Variants in LHX2 observed in about 807,000 individuals in gnomAD.
The protein encoded by LHX2 is LIM/homeobox protein Lhx2.
LHX2 carries 6 observed loss-of-function variants against 33.0 expected under a neutral mutation model. That is an observed-to-expected ratio of 0.18 (90% CI 0.10 to 0.36). The LOEUF (loss-of-function observed/expected upper bound fraction) is 0.36. Ranked by LOEUF, LHX2 falls within the 10% of genes least tolerant of loss-of-function variation. The pLI is 1.00. For missense variants in LHX2, 442 were observed against 586.2 expected (o/e 0.75, Z 2.54); for synonymous variants, 292 against 253.1 (o/e 1.15, Z -1.46).
intron 3 of LHX2, among the ~76,000 whole-genome samples, chr9:124,018,456 C>A (rs568117435): frequency 6.6e-6 from 1 of 152,246 alleles, no homozygotes; most frequent in East Asian, 1.9e-4. Context: ...CGCCCCCTGC[C>A]CTTGCCTCTG....
At chr9:124,021,579 T>C (rs1353046332) in intron 4 of LHX2, among the ~76,000 whole-genome samples, 2 of 152,238 alleles carry the variant, frequency 1.3e-5, no homozygotes, top group Non-Finnish European at 2.9e-5. Context: ...ACTCGGTCTC[T>C]TTTCTTTCTT....
chr9:124,028,437 C>T (rs1439776146), intron 4 of LHX2, among the ~76,000 whole-genome samples: 4 of 152,180 alleles, frequency 2.6e-5, no homozygotes, highest in Non-Finnish European at 5.9e-5. Context: ...GTGGGGCAGA[C>T]TGCACCTTGT....
intron 4 of LHX2, among the ~76,000 whole-genome samples, chr9:124,027,902 GT>G (rs5900598): frequency 0.012 from 1,826 of 151,552 alleles, 32 homozygotes; most frequent in African/African-American, 0.041. Context: ...AGAAGGCATA[GT>G]TTTTTTTTAT....
chr9:124,013,354 G>A (rs899738859), intron 1 of LHX2, among the ~76,000 whole-genome samples: 1 of 152,202 alleles, frequency 6.6e-6, no homozygotes, highest in Non-Finnish European at 1.5e-5. Flanking sequence ...CTTCACCCAC[G>A]GACTTTGAGG....
At chr9:124,018,228 A>G (rs1859227166) in intron 3 of LHX2, among the ~76,000 whole-genome samples, 1 of 150,698 alleles carries the variant, frequency 6.6e-6, no homozygotes, top group Non-Finnish European at 1.5e-5. Context: ...ATTATTCATG[A>G]TTTTACGAGC....
chr9:124,013,830 T>C (rs1859134530), intron 1 of LHX2, 131 bp from the exon 2 acceptor site: 2 of 790,898 alleles, frequency 2.5e-6, no homozygotes, highest in Admixed American at 2.5e-5. Flanking sequence ...GCGCGCCGCA[T>C]GTCCTGGCAG....
intron 4 of LHX2, among the ~76,000 whole-genome samples, chr9:124,027,842 A>G (rs1172396706): frequency 6.6e-6 from 1 of 152,180 alleles, no homozygotes; most frequent in African/African-American, 2.4e-5. Flanking sequence ...CTGGCACTTC[A>G]TGAGGAATAG....
At position 124,014,075 on chromosome 9, in the gene LHX2, A is replaced by G. The variant is rs1859141295; in HGVS notation, c.235A>G (p.Lys79Glu). 4.3e-6 allele frequency: 7 copies of G among 1,613,682 alleles called. No individual in the cohort carries two copies. Among genetic ancestry groups the G allele is most frequent in the Non-Finnish European group, 5.9e-6 (7 of 1,180,002 alleles). ...CAAGCAGTGGCACATGCGCTGCCTC[A>G]AGTGCTGCGAGTGCAAGCTCAACCT... Reference protein sequence around the residue: ...VDKQWHMRCLKCCECKLNLES... With the variant: ...VDKQWHMRCLECCECKLNLES... Residue 79 changes from lysine (K) to glutamate (E), a missense_variant, in exon 2 of 5, where the codon AAG becomes GAG. Transcript: ENST00000373615. The surrounding 1 kb of genome is among the most constrained non-coding windows in gnomAD (Gnocchi z 4.8).
At position 124,032,527 on chromosome 9, in the gene LHX2, G is replaced by T. The variant is rs1222197399; in HGVS notation, c.1041G>T (p.Ser347=). The change falls in exon 5 of 5, where the codon TCG becomes TCT. Residue 347 remains serine, a synonymous_variant. Coordinates refer to ENST00000373615, the MANE Select transcript of LHX2 (RefSeq NM_004789.4). This position sits in a 1 kb window ranked among gnomAD's most constrained non-coding sequence, Gnocchi z 4.1. ...CGGCGCTGCAGACAGGGACGCCATCGGGCCCGGCCTCGGAGCTCTCCAACG... is the reference window on the plus strand; with the variant it reads ...CGGCGCTGCAGACAGGGACGCCATCTGGCCCGGCCTCGGAGCTCTCCAACG... ...TDAALQTGTP[S]GPASELSNAS... The T allele has an allele frequency of 6.2e-7, 1 of 1,613,768 alleles. No homozygotes were observed. The highest frequency in any genetic ancestry group is 8.5e-7 in the Non-Finnish European group (1 of 1,180,006).
chr9:124,025,045 CA>C (rs987618321), intron 4 of LHX2, among the ~76,000 whole-genome samples: 3 of 152,272 alleles, frequency 2.0e-5, no homozygotes. Context: ...AAAAGGTGCT[CA>C]CATTTGCCAT....
chr9:124,031,617 G>C (rs994906475), intron 4 of LHX2: 1 of 152,204 alleles, frequency 6.6e-6, no homozygotes, highest in Admixed American at 6.5e-5. Flanking sequence ...AGAGAGACAA[G>C]TAAAAGTAAA....
At chr9:124,026,544 A>G (rs1588351251) in intron 4 of LHX2, among the ~76,000 whole-genome samples, 1 of 151,960 alleles carries the variant, frequency 6.6e-6, no homozygotes, top group African/African-American at 2.4e-5. Flanking sequence ...GGGATAAACA[A>G]TTGACAAGGT....
At position 124,013,968 on chromosome 9, in the gene LHX2, C is replaced by G. The variant is rs532587351; in HGVS notation, c.128C>G (p.Pro43Arg). Residue 43 changes from proline (P) to arginine (R), a missense_variant, in exon 2 of 5, where the codon CCG becomes CGG. Coordinates refer to ENST00000373615, the MANE Select transcript of LHX2 (RefSeq NM_004789.4). ...IDRGDTETTMPSISSDRAALC... is the reference protein window; with the variant it reads ...IDRGDTETTMRSISSDRAALC... ...GCCTCCCTCCCTTCGCAGACCATGC[C>G]GTCCATCAGCAGTGACCGCGCCGCG... 41 of 1,612,354 alleles carry G rather than the reference C, an allele frequency of 2.5e-5. No homozygotes were observed. Among genetic ancestry groups the G allele is most frequent in the Non-Finnish European group, 3.1e-5 (37 of 1,179,592 alleles).
chr9:124,021,271 G>C lies in LHX2; in HGVS notation c.900G>C (p.Ala300=). 6.2e-7 allele frequency: 1 copy of C among 1,613,946 alleles called. No homozygotes were observed. Among genetic ancestry groups the C allele is most frequent in the Non-Finnish European group, 8.5e-7 (1 of 1,180,040 alleles). The change falls in exon 4 of 5, where the codon GCG becomes GCC. Residue 300 remains alanine (A), a synonymous_variant. Coordinates refer to ENST00000373615, the MANE Select transcript of LHX2 (RefSeq NM_004789.4). ...NPDAKDLKQL[A]QKTGLTKRVL... Reference sequence around the variant, plus strand: ...ACGCCAAGGACTTGAAGCAGCTCGCGCAAAAGACGGGCCTCACCAAGCGGG... The same window carrying C: ...ACGCCAAGGACTTGAAGCAGCTCGCCCAAAAGACGGGCCTCACCAAGCGGG...
At position 124,015,560 on chromosome 9, in the gene LHX2, TTG is replaced by T. The variant is rs1859174611; in HGVS notation, c.727+36_727+37del. On this transcript the variant is annotated intron_variant, in intron 3 of 4. Transcript: ENST00000373615. This position sits in a 1 kb window ranked among gnomAD's most constrained non-coding sequence, Gnocchi z 7.9. ...CGGCGCACGAAGCGCCCCCATAGGG[TTG>T]GGGGAAAGTGTGCGGCCTCGACGGC... 2.8e-6 allele frequency: 4 copies of T among 1,445,938 alleles called. No homozygotes were observed. Among genetic ancestry groups the T allele is most frequent in the Non-Finnish European group, 3.6e-6 (4 of 1,096,906 alleles). The allele number at this position is 1,445,938 out of a possible 1,614,324, so 89.6% of individuals were successfully genotyped here.
At chr9:124,020,360 T>A (rs1859271526) in intron 3 of LHX2, among the ~76,000 whole-genome samples, 1 of 152,194 alleles carries the variant, frequency 6.6e-6, no homozygotes, top group Non-Finnish European at 1.5e-5. Flanking sequence ...TTGCTCCACT[T>A]GTTCACGGAG....
chr9:124,021,223 C>T lies in LHX2; in HGVS notation c.852C>T (p.Tyr284=). The T allele has an allele frequency of 6.2e-7, 1 of 1,614,226 alleles. No homozygotes were observed. The highest frequency in any genetic ancestry group is 2.2e-5 in the East Asian group (1 of 44,892). The change falls in exon 4 of 5, where the codon TAC becomes TAT. Residue 284 remains tyrosine (Y), a synonymous_variant. Transcript: ENST00000373615. The stretch of plus-strand genomic sequence containing the variant: ...ACCAGCTTCGGACCATGAAGTCTTA[C>T]TTTGCCATTAACCACAACCCCGACG... ...KHHQLRTMKS[Y]FAINHNPDAK... is the part of the protein sequence containing the mutation.
intron 3 of LHX2, among the ~76,000 whole-genome samples, chr9:124,020,346 T>C (rs1402084198): frequency 2.0e-5 from 3 of 152,168 alleles, no homozygotes; most frequent in Non-Finnish European, 4.4e-5. Flanking sequence ...TCCCCGAGCC[T>C]AATTTGCTCC....
rs1859197443 is a variant in LHX2, at chr9:124,016,755, A to T, written c.727+1230A>T. On this transcript the variant is annotated intron_variant, in intron 3 of 4. Coordinates refer to ENST00000373615, the MANE Select transcript of LHX2 (RefSeq NM_004789.4). This position sits in a 1 kb window ranked among gnomAD's most constrained non-coding sequence, Gnocchi z 4.4. ...CAGCCCCCAGTTTGGTAAATGGTGA[A>T]GCAGCGGTAGGCCGGTCGGTGGCGC... Among the ~76,000 whole-genome samples the T allele has an allele frequency of 6.6e-6, 1 of 152,156 alleles. No individual in the cohort carries two copies. Among genetic ancestry groups the T allele is most frequent in the Non-Finnish European group, 1.5e-5 (1 of 68,034 alleles).
Sources: gnomAD v4.1 joint callset for allele counts (sites outside exome capture counted in the v4.1 genomes callset) on GRCh38, gnomAD v4.1.1 for gene constraint, Gnocchi (gnomAD v3.1) non-coding constraint, MANE v1.5 for transcripts, NCBI Gene and HGNC (gene_info 2026-07-23, HGNC 2026-07-21) for gene names.